OSBPL1A: variants seen among roughly 807,000 people sequenced by gnomAD.
OSBPL1A encodes the protein oxysterol binding protein like 1A, also known as oxysterol-binding protein-related protein 1.
OSBPL1A carries 80 observed loss-of-function variants against 137.1 expected under a neutral mutation model. The ratio of observed to expected loss-of-function variants is 0.58; its 90% CI spans 0.49 to 0.70. OSBPL1A has a LOEUF of 0.70. Among genes scored for constraint, OSBPL1A ranks in the 30% least tolerant of loss-of-function variants. The pLI is 0.00. For missense variants in OSBPL1A, 970 were observed against 1,129.4 expected (o/e 0.86, Z 2.02); for synonymous variants, 365 against 389.7 (o/e 0.94, Z 0.75).
chr18:24,380,348 A>G (rs1463384869), intron 1 of OSBPL1A, among the ~76,000 whole-genome samples: 1 of 152,226 alleles, frequency 6.6e-6, no homozygotes, highest in Non-Finnish European at 1.5e-5. Flanking sequence ...GAAACCCCTG[A>G]TATCTAGCTG....
chr18:24,177,910 T>C, intron 21 of OSBPL1A, 103 bp downstream of exon 21: 1 of 1,095,350 alleles, frequency 9.1e-7, no homozygotes, highest in Non-Finnish European at 1.3e-6. Context: ...GAAAGCTGTT[T>C]CTTTTTCTCC....
intron 2 of OSBPL1A, among the ~76,000 whole-genome samples, chr18:24,373,262 G>A (rs868196316): frequency 1.3e-5 from 2 of 152,070 alleles, no homozygotes; most frequent in Non-Finnish European, 2.9e-5. Flanking sequence ...AATACCAGCA[G>A]GTATTACTGG....
At chr18:24,236,836 C>A (rs930309873) in intron 16 of OSBPL1A, among the ~76,000 whole-genome samples, 9 of 152,158 alleles carry the variant, frequency 5.9e-5, no homozygotes, top group African/African-American at 2.2e-4. Context: ...GACTATGGTT[C>A]TTTTTCTCTC....
intron 15 of OSBPL1A, among the ~76,000 whole-genome samples, chr18:24,251,052 G>C (rs1198627331): frequency 6.6e-6 from 1 of 152,168 alleles, no homozygotes; most frequent in East Asian, 1.9e-4. Flanking sequence ...GAGCGGGAAG[G>C]ACTTTATATT....
At chr18:24,240,945 A>T (rs1202358865) in intron 15 of OSBPL1A, among the ~76,000 whole-genome samples, 1 of 152,190 alleles carries the variant, frequency 6.6e-6, no homozygotes, top group Non-Finnish European at 1.5e-5. Flanking sequence ...CCAATGGAAC[A>T]CAACAGAGGC....
intron 14 of OSBPL1A, among the ~76,000 whole-genome samples, chr18:24,288,823 A>G (rs1440719626): frequency 1.3e-5 from 2 of 152,076 alleles, no homozygotes; most frequent in African/African-American, 4.8e-5. Context: ...GTGGTAATCA[A>G]TGGGAAAGAT....
At position 24,271,484 on chromosome 18, in the gene OSBPL1A, A is replaced by T. The variant is rs571632813; in HGVS notation, c.1281+9358T>A. The T allele has an allele frequency of 8.8e-6, 8 of 906,218 alleles. No individual in the cohort carries two copies. In the East Asian group the frequency reaches 8.3e-4, roughly 95 times the overall value. The allele number at this position is 906,218 out of a possible 1,614,324, so 56.1% of individuals were successfully genotyped here. ...CGCCCGCGGCTGCACCCCACTCTGC[A>T]CACACACGTCCAACTATTCTTGGAT... On this transcript the variant is annotated intron_variant, in intron 15 of 27. Coordinates refer to ENST00000319481, the MANE Select transcript of OSBPL1A (RefSeq NM_080597.4). This position sits in a 1 kb window ranked among gnomAD's most constrained non-coding sequence, Gnocchi z 4.0.
At chr18:24,195,968 GA>G (rs2087019089) in intron 18 of OSBPL1A, 156 bp downstream of exon 18, 6 of 630,038 alleles carry the variant, frequency 9.5e-6, no homozygotes, top group Non-Finnish European at 1.7e-5. Context: ...ATTCTTGTCA[GA>G]AAAAAGTCAC....
chr18:24,318,797 A>G lies in OSBPL1A; in HGVS notation c.638T>C (p.Leu213Pro), dbSNP rs2090788446. 1 of 1,613,496 alleles carries G rather than the reference A, an allele frequency of 6.2e-7. No individual in the cohort carries two copies. Among genetic ancestry groups the G allele is most frequent in the African/African-American group, 1.3e-5 (1 of 74,912 alleles). Residue 213 changes from leucine (L) to proline (P), a missense_variant, in exon 8 of 28, where the codon CTT (leucine) becomes CCT (proline). Physicochemically the swap from Leu to Pro is moderately conservative, Grantham distance 98. Coordinates refer to ENST00000319481, the MANE Select transcript of OSBPL1A (RefSeq NM_080597.4). Reference protein sequence around the residue: ...NLKNKNDQKPLDLAQGAEMKH... With the variant: ...NLKNKNDQKPPDLAQGAEMKH... ...CATTTCAGCACCCTGGGCAAGGTCA[A>G]GAGGTTTCTGATCTGTGCAAAATAC...
intron 17 of OSBPL1A, among the ~76,000 whole-genome samples, chr18:24,213,114 AT>A (rs2087593696): frequency 2.0e-5 from 3 of 152,228 alleles, no homozygotes; most frequent in Admixed American, 2.0e-4. Context: ...ACAGCTGGGT[AT>A]TTAACCTGCT....
chr18:24,352,722 A>C (rs1440592375), intron 4 of OSBPL1A, among the ~76,000 whole-genome samples: 1 of 152,262 alleles, frequency 6.6e-6, no homozygotes, highest in Non-Finnish European at 1.5e-5. Context: ...ACAGAGATAT[A>C]GACCAATGGA....
At chr18:24,282,364 A>G (rs968227230) in intron 14 of OSBPL1A, among the ~76,000 whole-genome samples, 3 of 152,216 alleles carry the variant, frequency 2.0e-5, no homozygotes, top group African/African-American at 7.2e-5. Flanking sequence ...ATCTGAAAAC[A>G]GCATTAACTC....
At chr18:24,322,996 A>G (rs1168055022) in intron 7 of OSBPL1A, among the ~76,000 whole-genome samples, 1 of 152,204 alleles carries the variant, frequency 6.6e-6, no homozygotes, top group African/African-American at 2.4e-5. Flanking sequence ...AAAATTTAAT[A>G]AAGATGCCAA....
chr18:24,246,288 C>T (rs979099637), intron 15 of OSBPL1A, among the ~76,000 whole-genome samples: 2 of 151,832 alleles, frequency 1.3e-5, no homozygotes, highest in African/African-American at 4.8e-5. Flanking sequence ...CCTAAGGGAC[C>T]GAGGCAGATT....
At chr18:24,269,424 G>C (rs2089661129) in intron 15 of OSBPL1A, among the ~76,000 whole-genome samples, 1 of 152,106 alleles carries the variant, frequency 6.6e-6, no homozygotes, top group African/African-American at 2.4e-5. Flanking sequence ...TGCACCTTCT[G>C]TAAGAATTTA....
intron 5 of OSBPL1A, among the ~76,000 whole-genome samples, chr18:24,336,247 A>C (rs1247954784): frequency 1.3e-5 from 2 of 152,174 alleles, no homozygotes; most frequent in African/African-American, 4.8e-5. Context: ...ATAATGCTTA[A>C]TGTTTGTCCC....
intron 1 of OSBPL1A, among the ~76,000 whole-genome samples, chr18:24,387,091 TC>T (rs1338238543): frequency 2.0e-5 from 3 of 152,164 alleles, no homozygotes; most frequent in Non-Finnish European, 4.4e-5. Context: ...TATAGATATT[TC>T]CTGCACTGCT....
At chr18:24,393,705 G>A (rs1379288758) in intron 1 of OSBPL1A, among the ~76,000 whole-genome samples, 3 of 151,988 alleles carry the variant, frequency 2.0e-5, no homozygotes, top group Non-Finnish European at 2.9e-5. Context: ...CGCCCATCTC[G>A]GCCTCCCAAA....
intron 2 of OSBPL1A, among the ~76,000 whole-genome samples, chr18:24,375,969 C>G (rs1002284816): frequency 3.3e-5 from 5 of 152,070 alleles, no homozygotes; most frequent in African/African-American, 9.7e-5. Context: ...CCGGTGGGCT[C>G]GTGGTCTCCC....
Sources: allele counts gnomAD v4.1 joint callset (sites outside exome capture counted in the v4.1 genomes callset), GRCh38; gene constraint gnomAD v4.1.1; non-coding constraint Gnocchi (gnomAD v3.1); transcripts MANE v1.5; gene names NCBI Gene and HGNC (gene_info 2026-07-23, HGNC 2026-07-21).